USH2A: variants seen among roughly 807,000 people sequenced by gnomAD.
USH2A encodes the protein Usher syndrome 2A (autosomal recessive, mild).
In USH2A, 443 loss-of-function variants were observed where a neutral mutation model predicts 538.9. The ratio of observed to expected loss-of-function variants is 0.82; its 90% CI spans 0.76 to 0.89. The LOEUF is 0.89. Among genes scored for constraint, USH2A ranks in the 40% least tolerant of loss-of-function variants. USH2A has a pLI of 0.00. For synonymous variants in USH2A, 2,413 were observed against 2,273.5 expected (o/e 1.06, Z -1.75); for missense variants, 6,633 against 6,324.8 (o/e 1.05, Z -1.65).
At chr1:216,071,031 A>C (rs2031541743) in intron 29 of USH2A, among the ~76,000 whole-genome samples, 1 of 152,146 alleles carries the variant, frequency 6.6e-6, no homozygotes, top group South Asian at 2.1e-4. Context: ...ACCTTTAACT[A>C]TTTATTAGAC....
Position 215,813,785 on chromosome 1 carries a change from T to TAA in USH2A, c.9689_9690insTT (p.Gln3231TyrfsTer71). The TAA allele has an allele frequency of 6.2e-7, 1 of 1,613,986 alleles. No homozygotes were observed. The highest frequency in any genetic ancestry group is 1.7e-5 in the Admixed American group (1 of 60,008). ...CAGAGCAGCACTGATGATTTGGTTG[T>TAA]GCCTCCTGTATTCGGCCACCACAAC... On this transcript the variant is annotated frameshift_variant, in exon 49 of 72. Transcript: ENST00000307340. LOFTEE classifies it high-confidence loss of function.
At chr1:216,238,725 C>A (rs2035877070) in intron 13 of USH2A, among the ~76,000 whole-genome samples, 1 of 152,142 alleles carries the variant, frequency 6.6e-6, no homozygotes. Context: ...TCATTACATG[C>A]ACCTTCCTTA....
chr1:215,889,307 T>C (rs1423830458), intron 40 of USH2A, among the ~76,000 whole-genome samples: 1 of 152,202 alleles, frequency 6.6e-6, no homozygotes, highest in Non-Finnish European at 1.5e-5. Flanking sequence ...TTTATCAAAA[T>C]CATGTCTTTT....
chr1:215,817,839 A>G (rs956605409), intron 47 of USH2A, among the ~76,000 whole-genome samples: 1 of 152,004 alleles, frequency 6.6e-6, no homozygotes, highest in African/African-American at 2.4e-5. Flanking sequence ...ACTCTTGAAC[A>G]AAATAAATTT....
chr1:215,859,119 C>G (rs184758230), intron 44 of USH2A, among the ~76,000 whole-genome samples: 137 of 152,178 alleles, frequency 9.0e-4, no homozygotes, highest in Non-Finnish European at 1.6e-3. Flanking sequence ...AAATCGAGGT[C>G]CCACTCTTAT....
rs148040193 is a variant in USH2A, at chr1:216,351,556, T to C, written c.784+13397A>G. Among the ~76,000 whole-genome samples, 709 of 152,288 alleles carry C rather than the reference T, an allele frequency of 4.7e-3. 7 individuals carry two copies. Among genetic ancestry groups the C allele is most frequent in the African/African-American group, 0.016 (675 of 41,554 alleles). ...AGTAACTGCTGTTAGCTCAGTTAGG[T>C]CTTGTAGGTTATAGTAAGAATGGTG... On this transcript the variant is annotated intron_variant, in intron 4 of 71. Transcript: ENST00000307340.
chr1:215,950,229 T>C (rs1239278471), intron 37 of USH2A, among the ~76,000 whole-genome samples: 2 of 152,114 alleles, frequency 1.3e-5, no homozygotes, highest in African/African-American at 4.8e-5. Flanking sequence ...ATAGTAAGAA[T>C]AAAAAACCTA....
At chr1:216,209,400 G>A (rs903021204) in intron 15 of USH2A, among the ~76,000 whole-genome samples, 1 of 152,184 alleles carries the variant, frequency 6.6e-6, no homozygotes, top group Non-Finnish European at 1.5e-5. Context: ...GGAGGCTGCT[G>A]ATGCAAACCA....
chr1:216,085,144 C>A, intron 24 of USH2A: 1 of 399,794 alleles, frequency 2.5e-6, no homozygotes, highest in African/African-American at 2.0e-5. Context: ...AAGAATATTG[C>A]CTTTTCAACT....
chr1:215,784,630 T>C (rs1023405133), intron 52 of USH2A, among the ~76,000 whole-genome samples: 2 of 152,354 alleles, frequency 1.3e-5, no homozygotes, highest in East Asian at 1.9e-4. Flanking sequence ...AGCACTGGTA[T>C]TGTCAGCTTT....
intron 55 of USH2A, among the ~76,000 whole-genome samples, chr1:215,769,094 T>C (rs542183722): frequency 4.3e-4 from 66 of 152,360 alleles, no homozygotes; most frequent in African/African-American, 1.5e-3. Context: ...GTTGGAGATA[T>C]TTTTTAGTTG....
intron 46 of USH2A, among the ~76,000 whole-genome samples, chr1:215,842,055 G>C (rs1663692266): frequency 6.6e-6 from 1 of 152,154 alleles, no homozygotes; most frequent in African/African-American, 2.4e-5. Flanking sequence ...TGGGTGCAGT[G>C]GCTCACACCT....
At chr1:215,812,973 C>A (rs1662738747) in intron 49 of USH2A, among the ~76,000 whole-genome samples, 1 of 152,170 alleles carries the variant, frequency 6.6e-6, no homozygotes, top group African/African-American at 2.4e-5. Context: ...TTGATCCTCT[C>A]TAAAACAGTT....
chr1:216,278,014 T>C (rs1053458640), intron 11 of USH2A, among the ~76,000 whole-genome samples: 1 of 152,132 alleles, frequency 6.6e-6, no homozygotes, highest in Admixed American at 6.6e-5. Flanking sequence ...GTTTAGCCTA[T>C]TCTAACTACA....
chr1:215,814,344 A>AT (rs1662797135), intron 48 of USH2A, among the ~76,000 whole-genome samples: 2 of 148,420 alleles, frequency 1.3e-5, no homozygotes, highest in South Asian at 4.2e-4. Flanking sequence ...AAATATATAC[A>AT]TTTTTTATTA....
At chr1:216,141,145 A>G (rs2033594528) in intron 21 of USH2A, among the ~76,000 whole-genome samples, 1 of 152,240 alleles carries the variant, frequency 6.6e-6, no homozygotes, top group Admixed American at 6.5e-5. Flanking sequence ...GTGCGGAAAA[A>G]GTAAGACATG....
intron 70 of USH2A, among the ~76,000 whole-genome samples, chr1:215,632,399 G>A (rs1186413407): frequency 2.0e-5 from 3 of 152,192 alleles, no homozygotes; most frequent in Admixed American, 6.5e-5. Flanking sequence ...TATATCCAGA[G>A]TAACATAACA....
chr1:216,149,143 T>C (rs1043481218), intron 21 of USH2A, among the ~76,000 whole-genome samples: 1 of 152,100 alleles, frequency 6.6e-6, no homozygotes, highest in Non-Finnish European at 1.5e-5. Context: ...AGCCTTTCTG[T>C]CCAAACAACT....
At chr1:215,837,701 G>T (rs1210266649) in intron 47 of USH2A, among the ~76,000 whole-genome samples, 1 of 152,042 alleles carries the variant, frequency 6.6e-6, no homozygotes, top group Non-Finnish European at 1.5e-5. Flanking sequence ...CTCCGCAAAA[G>T]GATTCACTAA....
Sources: allele counts gnomAD v4.1 joint callset (sites outside exome capture counted in the v4.1 genomes callset), GRCh38; gene constraint gnomAD v4.1.1; transcripts MANE v1.5; gene names NCBI Gene and HGNC (gene_info 2026-07-23, HGNC 2026-07-21).